The following RABGAP1L variants were observed in gnomAD, a reference collection of about 807,000 sequenced individuals.
RABGAP1L encodes rab GTPase-activating protein 1-like.
A neutral mutation model predicts 137.7 loss-of-function variants in RABGAP1L; 63 were observed. The observed-to-expected ratio is 0.46, with a 90% CI of 0.37 to 0.56. The LOEUF (loss-of-function observed/expected upper bound fraction) is 0.56. Ranked by LOEUF, RABGAP1L falls within the 20% of genes least tolerant of loss-of-function variation. The pLI is 0.00. For synonymous variants in RABGAP1L, 431 were observed against 433.7 expected (o/e 0.99, Z 0.08); for missense variants, 1,095 against 1,244.0 (o/e 0.88, Z 1.80).
chr1:174,531,141 A>G (rs1441919151), intron 13 of RABGAP1L, among the ~76,000 whole-genome samples: 1 of 152,180 alleles, frequency 6.6e-6, no homozygotes, highest in Non-Finnish European at 1.5e-5. Flanking sequence ...GAAGTATAAG[A>G]ATAGATAACA....
chr1:174,747,845 T>A (rs997213158), intron 17 of RABGAP1L, among the ~76,000 whole-genome samples: 10 of 151,120 alleles, frequency 6.6e-5, no homozygotes, highest in African/African-American at 9.8e-5. Context: ...CTCCCCCAAG[T>A]GGACCCAGAG....
At chr1:174,963,295 T>C (rs1423203223) in intron 20 of RABGAP1L, among the ~76,000 whole-genome samples, 6 of 152,158 alleles carry the variant, frequency 3.9e-5, no homozygotes, top group Non-Finnish European at 5.9e-5. Context: ...TCTTCCACTT[T>C]CTCTTTGAGC....
intron 19 of RABGAP1L, among the ~76,000 whole-genome samples, chr1:174,899,438 G>A (rs960850898): frequency 5.9e-5 from 9 of 152,306 alleles, no homozygotes; most frequent in South Asian, 2.1e-4. Context: ...CATTAATTTT[G>A]TGGCTCTATC....
intron 24 of RABGAP1L, among the ~76,000 whole-genome samples, chr1:174,987,169 G>T (rs10218704): frequency 0.012 from 1,857 of 152,050 alleles, 36 homozygotes; most frequent in African/African-American, 0.043. Flanking sequence ...GTCAGAGGAA[G>T]AAATTTTTTT....
chr1:174,689,700 C>T (rs2148494644), intron 15 of RABGAP1L, among the ~76,000 whole-genome samples: 1 of 152,202 alleles, frequency 6.6e-6, no homozygotes, highest in South Asian at 2.1e-4. Flanking sequence ...ACAACAACAC[C>T]ACCAACAACT....
At chr1:174,875,379 C>A in intron 19 of RABGAP1L, 1 of 212,236 alleles carries the variant, frequency 4.7e-6, no homozygotes, top group Non-Finnish European at 8.1e-6. Flanking sequence ...CCTATGGTTA[C>A]GCTGAATGCA....
At chr1:174,953,442 C>T (rs764997227) in intron 19 of RABGAP1L, among the ~76,000 whole-genome samples, 1 of 152,172 alleles carries the variant, frequency 6.6e-6, no homozygotes, top group Non-Finnish European at 1.5e-5. Flanking sequence ...AACACTCCCT[C>T]GCCATTCCCC....
intron 13 of RABGAP1L, among the ~76,000 whole-genome samples, chr1:174,613,533 G>A (rs1040635941): frequency 3.0e-4 from 46 of 152,184 alleles, no homozygotes; most frequent in Admixed American, 7.2e-4. Context: ...TGTATATTCT[G>A]TTGATTTGGG....
In RABGAP1L at chr1:174,829,446, C is replaced by G. The variant is rs184339260; in HGVS notation, c.2340+17486C>G. ...TTGTGAATTTTCCACCATTCCAGAC[C>G]GTTAAGACTTAGATAGAAGGTCATC... On this transcript the variant is annotated intron_variant, in intron 19 of 25. Transcript: ENST00000681986. Among the ~76,000 whole-genome samples the G allele has an allele frequency of 4.0e-5, 6 of 148,340 alleles. No homozygotes were observed. In the East Asian group the frequency reaches 1.3e-3, roughly 31 times the overall value.
chr1:174,723,355 A>C (rs1033163188), intron 17 of RABGAP1L, among the ~76,000 whole-genome samples: 1 of 152,190 alleles, frequency 6.6e-6, no homozygotes, highest in Non-Finnish European at 1.5e-5. Flanking sequence ...GATTACAGGC[A>C]TGAGCCACTG....
intron 7 of RABGAP1L, among the ~76,000 whole-genome samples, chr1:174,253,313 G>C (rs1291844384): frequency 6.6e-6 from 1 of 152,150 alleles, no homozygotes; most frequent in Non-Finnish European, 1.5e-5. Flanking sequence ...TAGTGATGGT[G>C]GGGGTATGGG....
At chr1:174,176,274 G>GT (rs1345611497) in intron 1 of RABGAP1L, among the ~76,000 whole-genome samples, 3 of 152,082 alleles carry the variant, frequency 2.0e-5, no homozygotes, top group Non-Finnish European at 2.9e-5. Context: ...TTTGTAACCT[G>GT]TTACATTTAA....
Position 174,619,593 on chromosome 1 carries a change from A to C in RABGAP1L, c.1711-17782A>C, listed in dbSNP as rs189616491. ...CCTTTACAGACAAGCAAATGCTGAG[A>C]GATTTTGTCACCACCAGGCCTGCCC... On this transcript the variant is annotated intron_variant, in intron 13 of 25. Coordinates refer to ENST00000681986, the MANE Select transcript of RABGAP1L (RefSeq NM_001366446.1). Among the ~76,000 whole-genome samples, 297 of 152,348 alleles carry C rather than the reference A, an allele frequency of 1.9e-3. 1 individual carries two copies. Among genetic ancestry groups the C allele is most frequent in the African/African-American group, 6.8e-3 (283 of 41,588 alleles).
At position 174,990,663 on chromosome 1, in the gene RABGAP1L, G is replaced by A. The variant is rs1302922856; in HGVS notation, c.*662G>A. ...AAAAGGAACTGAAATTTTAATAAGT[G>A]TAGGTCAGGATCATTTGGGCTGTGG... On this transcript the variant is annotated 3_prime_UTR_variant, in exon 26 of 26. Transcript: ENST00000681986. 2 of 152,252 alleles carry A rather than the reference G, an allele frequency of 1.3e-5. No individual in the cohort carries two copies. Among genetic ancestry groups the A allele is most frequent in the African/African-American group, 2.4e-5 (1 of 41,462 alleles). The allele number at this position is 152,252 out of a possible 1,614,324, so 9.4% of individuals were successfully genotyped here.
intron 19 of RABGAP1L, among the ~76,000 whole-genome samples, chr1:174,905,400 A>G (rs1658880042): frequency 6.6e-6 from 1 of 152,230 alleles, no homozygotes; most frequent in Non-Finnish European, 1.5e-5. Context: ...AATTTATCAG[A>G]GAAGTTTAGC....
At chr1:174,951,202 A>G (rs1263867035) in intron 19 of RABGAP1L, among the ~76,000 whole-genome samples, 1 of 152,200 alleles carries the variant, frequency 6.6e-6, no homozygotes, top group Non-Finnish European at 1.5e-5. Flanking sequence ...ATAACTAGAC[A>G]CATATTTGGC....
chr1:174,448,635 C>T lies in RABGAP1L; in HGVS notation c.1710+54490C>T. ...ATCTACTCCTGCCTAATTTTCTTGC[C>T]TTCCTTTTTTGGCTGGGGGAAACCT... On this transcript the variant is annotated intron_variant, in intron 13 of 25. Coordinates refer to ENST00000681986, the MANE Select transcript of RABGAP1L (RefSeq NM_001366446.1). The surrounding 1 kb of genome is among the most constrained non-coding windows in gnomAD (Gnocchi z 4.2). The T allele has an allele frequency of 6.2e-7, 1 of 1,613,870 alleles. No homozygotes were observed. Among genetic ancestry groups the T allele is most frequent in the Non-Finnish European group, 8.5e-7 (1 of 1,179,826 alleles).
chr1:174,980,179 CT>C lies in RABGAP1L; in HGVS notation c.2733+1298del, dbSNP rs200541059. 2.2e-4 allele frequency among the ~76,000 whole-genome samples: 33 copies of C among 150,858 alleles called. No homozygotes were observed. The East Asian group carries it at 4.1e-3, about 19-fold the overall frequency. Reference sequence around the variant, plus strand: ...AACAGGATGAATTGTATTGTTTATCCTTTTTTTTTGTAACTAGCTTTAGTTC... The same window carrying C: ...AACAGGATGAATTGTATTGTTTATCCTTTTTTTTGTAACTAGCTTTAGTTC... On this transcript the variant is annotated intron_variant, in intron 23 of 25. Transcript: ENST00000681986.
chr1:174,554,402 T>A (rs1214262426), intron 13 of RABGAP1L, among the ~76,000 whole-genome samples: 1 of 152,222 alleles, frequency 6.6e-6, no homozygotes, highest in Non-Finnish European at 1.5e-5. Context: ...TAAATTTTCC[T>A]CTTGATAACC....
Sources: allele counts gnomAD v4.1 joint callset (sites outside exome capture counted in the v4.1 genomes callset), GRCh38; gene constraint gnomAD v4.1.1; non-coding constraint Gnocchi (gnomAD v3.1); transcripts MANE v1.5; gene names NCBI Gene and HGNC (gene_info 2026-07-23, HGNC 2026-07-21).